The following POU2AF2 variants were observed in gnomAD, a reference collection of about 807,000 sequenced individuals.
POU2AF2 encodes the protein POU class 2 homeobox associating factor 2.
At chr11:111,249,215 A>T in the POU2AF2 span, among the ~76,000 whole-genome samples, 9 of 152,314 alleles carry the variant, frequency 5.9e-5, no homozygotes, top group South Asian at 2.1e-4. Context: ...TGGTGTATGC[A>T]GGTGTGGATT....
the POU2AF2 span, among the ~76,000 whole-genome samples, chr11:111,265,974 A>T: frequency 6.6e-6 from 1 of 152,064 alleles, no homozygotes; most frequent in Non-Finnish European, 1.5e-5. Context: ...TGAAACTCCA[A>T]CCTGGTGCAT....
At chr11:111,249,675 T>C in the POU2AF2 span, among the ~76,000 whole-genome samples, 1 of 152,240 alleles carries the variant, frequency 6.6e-6, no homozygotes, top group African/African-American at 2.4e-5. Context: ...CTAAGGCGTT[T>C]CATTTATTTC....
the POU2AF2 span, among the ~76,000 whole-genome samples, chr11:111,263,456 G>A: frequency 1.0e-4 from 13 of 124,212 alleles, no homozygotes; most frequent in African/African-American, 1.8e-4. Context: ...TTTTTGAGAC[G>A]GAGTCTTACT....
At chr11:111,249,505 G>T in the POU2AF2 span, among the ~76,000 whole-genome samples, 1 of 152,040 alleles carries the variant, frequency 6.6e-6, no homozygotes, top group African/African-American at 2.4e-5. Flanking sequence ...TCAGAGCTTG[G>T]TTATCCCATT....
the POU2AF2 span, among the ~76,000 whole-genome samples, chr11:111,250,447 A>T: frequency 2.1e-4 from 32 of 152,318 alleles, no homozygotes; most frequent in African/African-American, 7.2e-4. Flanking sequence ...GACCTTTAAC[A>T]TGTCCATTAT....
chr11:111,279,100 C>G, the POU2AF2 span, among the ~76,000 whole-genome samples: 1 of 152,208 alleles, frequency 6.6e-6, no homozygotes, highest in Non-Finnish European at 1.5e-5. Flanking sequence ...TCTCCACTTA[C>G]TTTGCTCCAG....
At chr11:111,256,334 T>C in the POU2AF2 span, among the ~76,000 whole-genome samples, 1 of 152,260 alleles carries the variant, frequency 6.6e-6, no homozygotes, top group Non-Finnish European at 1.5e-5. Flanking sequence ...TAATGCTGGT[T>C]TTCCTGCCCT....
chr11:111,248,238 G>T, the POU2AF2 span, among the ~76,000 whole-genome samples: 1 of 152,102 alleles, frequency 6.6e-6, no homozygotes, highest in Non-Finnish European at 1.5e-5. Flanking sequence ...TGGGCGTAAG[G>T]CTTACTATTC....
chr11:111,255,641 TCAAGTTG>T, the POU2AF2 span, among the ~76,000 whole-genome samples: 2 of 152,204 alleles, frequency 1.3e-5, no homozygotes, highest in East Asian at 3.8e-4. Flanking sequence ...AAGCATCATT[TCAAGTTG>T]CATCCAATCC....
At chr11:111,263,406 A>G in the POU2AF2 span, among the ~76,000 whole-genome samples, 4 of 150,396 alleles carry the variant, frequency 2.7e-5, no homozygotes, top group African/African-American at 9.8e-5. Flanking sequence ...GGAACCTACA[A>G]CACTCAGGTT....
chr11:111,284,279 C>A, the POU2AF2 span: 3 of 1,613,906 alleles, frequency 1.9e-6, no homozygotes, highest in Non-Finnish European at 2.5e-6. Flanking sequence ...CTACCGGCCT[C>A]CGGCGCTGAC....
At chr11:111,259,518 G>A in the POU2AF2 span, among the ~76,000 whole-genome samples, 2 of 152,122 alleles carry the variant, frequency 1.3e-5, no homozygotes, top group African/African-American at 4.8e-5. Flanking sequence ...GTTTCACCAT[G>A]TTGGCCAGAC....
the POU2AF2 span, among the ~76,000 whole-genome samples, chr11:111,269,662 A>G: frequency 6.6e-6 from 1 of 152,172 alleles, no homozygotes; most frequent in Non-Finnish European, 1.5e-5. Context: ...TGTTCTGACC[A>G]AAGTGCATCT....
the POU2AF2 span, chr11:111,284,238 A>G: frequency 6.2e-7 from 1 of 1,614,158 alleles, no homozygotes; most frequent in East Asian, 2.2e-5. Flanking sequence ...GCTCTCCTGG[A>G]GCCCTACTTC....
At chr11:111,278,417 A>G in the POU2AF2 span, among the ~76,000 whole-genome samples, 3 of 152,204 alleles carry the variant, frequency 2.0e-5, no homozygotes, top group African/African-American at 4.8e-5. Context: ...CTAAAATTCA[A>G]ATGTTGAGGT....
chr11:111,249,216 G>A, the POU2AF2 span, among the ~76,000 whole-genome samples: 1 of 152,114 alleles, frequency 6.6e-6, no homozygotes, highest in Non-Finnish European at 1.5e-5. Flanking sequence ...GGTGTATGCA[G>A]GTGTGGATTC....
chr11:111,276,451 AAAAT>A, the POU2AF2 span, among the ~76,000 whole-genome samples: 1 of 41,960 alleles, frequency 2.4e-5, no homozygotes, highest in Non-Finnish European at 5.9e-5. Context: ...AAAAAAAAAA[AAAAT>A]ATATATATAT....
chr11:111,247,917 C>A, the POU2AF2 span, among the ~76,000 whole-genome samples: 9 of 117,254 alleles, frequency 7.7e-5, no homozygotes, highest in African/African-American at 3.0e-4. Context: ...CTCGCTTTGT[C>A]GCTCAGGCTG....
At chr11:111,254,683 T>G in the POU2AF2 span, among the ~76,000 whole-genome samples, 3 of 152,178 alleles carry the variant, frequency 2.0e-5, no homozygotes, top group Admixed American at 1.3e-4. Context: ...TCTTCCTTCC[T>G]TTCATTCTTT....
Sources: gnomAD v4.1 joint callset for allele counts (sites outside exome capture counted in the v4.1 genomes callset) on GRCh38, gnomAD v4.1.1 for gene constraint, MANE v1.5 for transcripts, NCBI Gene and HGNC (gene_info 2026-07-23, HGNC 2026-07-21) for gene names.